Variants in PDE4A observed in about 807,000 individuals in gnomAD.
PDE4A encodes the protein 3',5'-cyclic-AMP phosphodiesterase 4A.
A neutral mutation model predicts 73.9 loss-of-function variants in PDE4A; 21 were observed. That is an observed-to-expected ratio of 0.28 (90% CI 0.20 to 0.41). The LOEUF (loss-of-function observed/expected upper bound fraction) is 0.41, where lower values mean the gene tolerates loss of function less well. PDE4A is among the 10% of genes least tolerant of loss of function. PDE4A has a pLI of 1.00. For missense variants in PDE4A, 958 were observed against 1,211.4 expected, an observed-to-expected ratio of 0.79 and a Z score of 3.10; for synonymous variants, 463 against 505.4, an observed-to-expected ratio of 0.92 and a Z score of 1.13.
At chr19:10,457,431 C>CGGGGGGGGGGGGGGGGGGGGGGGGGG (rs372266239) in intron 7 of PDE4A, among the ~76,000 whole-genome samples, 1 of 39,398 alleles carries the variant, frequency 2.5e-5, no homozygotes, top group Admixed American at 3.5e-4. Flanking sequence ...CCAAGGTGGG[C>CGGGGGGGGGGGGGGGGGGGGGGGGGG]GGGGGGGGGG....
At chr19:10,417,121 G>A, upstream of PDE4A, 1 of 1,444,154 alleles carries the variant, frequency 6.9e-7, no homozygotes, top group South Asian at 1.4e-5. Flanking sequence ...TGGTCCCCTC[G>A]TGCCTCAGTT....
At chr19:10,429,844 C>A (rs1362985067) in intron 1 of PDE4A, among the ~76,000 whole-genome samples, 1 of 152,060 alleles carries the variant, frequency 6.6e-6, no homozygotes, top group East Asian at 1.9e-4. Flanking sequence ...CTAGGGCATC[C>A]CCTGAGTCTG....
At chr19:10,448,071 C>T (rs1335068983) in intron 2 of PDE4A, among the ~76,000 whole-genome samples, 1 of 151,876 alleles carries the variant, frequency 6.6e-6, no homozygotes, top group Non-Finnish European at 1.5e-5. Context: ...GCCTGGCCAA[C>T]ATAGCAAGAC....
intron 14 of PDE4A, chr19:10,464,384 C>T (rs1386656919): frequency 2.2e-6 from 1 of 455,378 alleles, no homozygotes; most frequent in Non-Finnish European, 4.4e-6. Flanking sequence ...GTGTGAGCCA[C>T]TGCGCCCAGC....
chr19:10,420,517 ACGCGGAG>A (rs927550639), upstream of PDE4A: 335 of 1,047,778 alleles, frequency 3.2e-4, no homozygotes, highest in African/African-American at 1.9e-3. This position sits in a 1 kb window ranked among gnomAD's most constrained non-coding sequence, Gnocchi z 6.0. Flanking sequence ...GGGCCGCGGA[ACGCGGAG>A]CGCGGAGCGC....
rs1220588539 is a variant in PDE4A at position 10,439,582 on chromosome 19, T to C, written c.321-6636T>C. Among the ~76,000 whole-genome samples, 6 of 152,164 alleles carry C rather than the reference T, an allele frequency of 3.9e-5. No individual in the cohort carries two copies. The East Asian group carries it at 9.6e-4, about 24-fold the overall frequency. ...AATCGGAGCAGCAGAGAGACCTGGT[T>C]GGAATGGAGAGTGCAGCAGGTGAGA... On this transcript the variant is annotated intron_variant, in intron 1 of 14. Coordinates refer to ENST00000380702, the MANE Select transcript of PDE4A (RefSeq NM_001111307.2).
intron 1 of PDE4A, among the ~76,000 whole-genome samples, chr19:10,431,827 G>GT (rs924774352): frequency 6.6e-6 from 1 of 152,186 alleles, no homozygotes; most frequent in Non-Finnish European, 1.5e-5. Flanking sequence ...GGAGCCCCGC[G>GT]TGGGGTCCGC....
At chr19:10,459,346 C>T (rs1463517270) in intron 8 of PDE4A, 54 bp from the exon 9 acceptor site, 1 of 1,613,034 alleles carries the variant, frequency 6.2e-7, no homozygotes, top group South Asian at 1.1e-5. Context: ...AGGAAATGTT[C>T]TCCAGGGCCC....
chr19:10,459,425 G>A lies in PDE4A; in HGVS notation c.1127G>A (p.Gly376Asp), dbSNP rs748527705. Reference protein sequence around the residue: ...AQELENLNKWGLNIFCVSDYA... With the variant: ...AQELENLNKWDLNIFCVSDYA... ...GAACTGGAGAACCTGAACAAGTGGG[G>A]CCTGAACATCTTTTGCGTGTCGGAT... The change falls in exon 9 of 15, where the codon GGC becomes GAC. Residue 376 changes from glycine to aspartate, a missense_variant. Transcript: ENST00000380702. The A allele has an allele frequency of 6.2e-7, 1 of 1,614,096 alleles. No individual in the cohort carries two copies. Among genetic ancestry groups the A allele is most frequent in the African/African-American group, 1.3e-5 (1 of 74,938 alleles).
At chr19:10,418,999 G>T (rs1419240327), upstream of PDE4A, 1 of 983,736 alleles carries the variant, frequency 1.0e-6, no homozygotes, top group Non-Finnish European at 1.2e-6. Context: ...GTTCGCCCAC[G>T]CCGGGAGCCC....
chr19:10,446,196 T>G (rs1009020273), intron 1 of PDE4A, 22 bp from the exon 2 acceptor site: 1 of 1,549,310 alleles, frequency 6.5e-7, no homozygotes, highest in African/African-American at 1.4e-5. Context: ...TCCTGACCCC[T>G]CTTCTCGCCC....
rs934965952 is a variant in PDE4A, at chr19:10,451,070, G to A, written c.783+129G>A. The A allele has an allele frequency of 2.7e-5, 24 of 904,802 alleles. No individual in the cohort carries two copies. In the African/African-American group the frequency reaches 3.3e-4, roughly 12 times the overall value. 56.0% of individuals were successfully genotyped at this position (904,802 alleles called of 1,614,324 possible). A position where few individuals can be genotyped will look rare whatever the true frequency, so the allele number is the denominator to read the frequency against. ...AGCCAGCCATTAGGTTGTTCCTGTG[G>A]GCGGAGATAGCTACTGGGTGTGGCT... On this transcript the variant is annotated intron_variant, in intron 6 of 14. Transcript: ENST00000380702.
chr19:10,467,604 G>C lies in PDE4A; in HGVS notation c.2644G>C (p.Gly882Arg). ...CCCAGCTCCTGGTGGCGGGGGGTCA[G>C]GTGGAGACCCTACCTGATCCCCAGA... ...ALPAPGGGGS[G>R]GDPT The change falls in exon 15 of 15, where the codon GGT becomes CGT. Residue 882 changes from glycine to arginine, a missense_variant. Transcript: ENST00000380702. 1 of 1,573,882 alleles carries C rather than the reference G, an allele frequency of 6.4e-7. No individual in the cohort carries two copies. The highest frequency in any genetic ancestry group is 8.6e-7 in the Non-Finnish European group (1 of 1,157,674).
Position 10,420,718 on chromosome 19 carries a change from G to T in PDE4A, c.-47G>T. ...CTTGCGCGCAGCTGAGCGGGGTGTA[G>T]GTTGGAAGGGCCAGGGCCCCCTGGG... On this transcript the variant is annotated 5_prime_UTR_variant, in exon 1 of 15. In the 5' UTR this introduces an upstream ATG that the reference lacks. Coordinates refer to ENST00000380702, the MANE Select transcript of PDE4A (RefSeq NM_001111307.2). The surrounding 1 kb of genome is among the most constrained non-coding windows in gnomAD (Gnocchi z 6.0). 2 of 1,454,780 alleles carry T rather than the reference G, an allele frequency of 1.4e-6. No homozygotes were observed. The highest frequency in any genetic ancestry group is 1.8e-6 in the Non-Finnish European group (2 of 1,116,124). 90.1% of individuals were successfully genotyped at this position (1,454,780 alleles called of 1,614,324 possible). A position where few individuals can be genotyped will look rare whatever the true frequency, so the allele number is the denominator to read the frequency against.
upstream of PDE4A, chr19:10,420,528 G>GCC: frequency 9.0e-7 from 1 of 1,112,290 alleles, no homozygotes; most frequent in Non-Finnish European, 1.1e-6. The surrounding 1 kb of genome is among the most constrained non-coding windows in gnomAD (Gnocchi z 6.0). Context: ...CGCGGAGCGC[G>GCC]GAGCGCGGAG....
At position 10,450,087 on chromosome 19, in the gene PDE4A, C is replaced by A. The variant is rs569985450; in HGVS notation, c.621-516C>A. 2.6e-5 allele frequency among the ~76,000 whole-genome samples: 4 copies of A among 152,174 alleles called. No individual in the cohort carries two copies. In the East Asian group the frequency reaches 5.8e-4, roughly 22 times the overall value. On this transcript the variant is annotated intron_variant, in intron 4 of 14. Coordinates refer to ENST00000380702, the MANE Select transcript of PDE4A (RefSeq NM_001111307.2). Reference sequence around the variant, plus strand: ...CTCCAGCCTGGGTGACAGAGCAAGACCCTGGTTCAAAAAATAAATAGATAA... The same window carrying A: ...CTCCAGCCTGGGTGACAGAGCAAGAACCTGGTTCAAAAAATAAATAGATAA...
chr19:10,427,838 A>C (rs2042736731), intron 1 of PDE4A: 1 of 985,204 alleles, frequency 1.0e-6, no homozygotes. Context: ...TCGGTGAACA[A>C]AAATGCATTT....
At chr19:10,421,975 A>G (rs961344858) in intron 1 of PDE4A, among the ~76,000 whole-genome samples, 6 of 152,122 alleles carry the variant, frequency 3.9e-5, no homozygotes, top group Non-Finnish European at 8.8e-5. Context: ...TGTAATTGTG[A>G]CAGTGTGACT....
rs575743137 is a variant in PDE4A, at chr19:10,421,258, A to T, written c.320+174A>T. The T allele has an allele frequency of 3.0e-6, 3 of 985,178 alleles. No individual in the cohort carries two copies. In the African/African-American group the frequency reaches 5.2e-5, roughly 17 times the overall value. 61.0% of individuals were successfully genotyped at this position (985,178 alleles called of 1,614,324 possible). A position where few individuals can be genotyped will look rare whatever the true frequency, so the allele number is the denominator to read the frequency against. The stretch of plus-strand genomic sequence containing the variant: ...GACCTGGCCCCTGGTTGTGCGCTCT[A>T]CGGGAGGCTTCCTGCTGAAGCCCAT... On this transcript the variant is annotated intron_variant, in intron 1 of 14. Coordinates refer to ENST00000380702, the MANE Select transcript of PDE4A (RefSeq NM_001111307.2).
Sources: gnomAD v4.1 joint callset for allele counts (sites outside exome capture counted in the v4.1 genomes callset) on GRCh38, gnomAD v4.1.1 for gene constraint, Gnocchi (gnomAD v3.1) non-coding constraint, MANE v1.5 for transcripts, NCBI Gene and HGNC (gene_info 2026-07-23, HGNC 2026-07-21) for gene names.